The following ZSWIM6 variants were observed in gnomAD, a reference collection of about 807,000 sequenced individuals.
ZSWIM6 encodes the protein zinc finger SWIM domain-containing protein 6.
A neutral mutation model predicts 113.2 loss-of-function variants in ZSWIM6; 9 were observed. The ratio of observed to expected loss-of-function variants is 0.08; its 90% CI spans 0.05 to 0.14. The LOEUF (loss-of-function observed/expected upper bound fraction) is 0.14. Ranked by LOEUF, ZSWIM6 falls within the 10% of genes least tolerant of loss-of-function variation. The probability of loss-of-function intolerance (pLI) is 1.00; values close to 1 mark genes in which losing one functional copy is unlikely to be tolerated. For missense variants in ZSWIM6, 1,162 were observed against 1,552.2 expected (o/e 0.75, Z 4.22); for synonymous variants, 611 against 606.5 (o/e 1.01, Z -0.11).
At chr5:61,412,742 A>G (rs1746171458) in intron 1 of ZSWIM6, among the ~76,000 whole-genome samples, 1 of 152,210 alleles carries the variant, frequency 6.6e-6, no homozygotes, top group African/African-American at 2.4e-5. Context: ...CATCTTGAAT[A>G]TTAATTTAAA....
At chr5:61,432,415 A>G (rs1256855668) in intron 1 of ZSWIM6, among the ~76,000 whole-genome samples, 1 of 152,246 alleles carries the variant, frequency 6.6e-6, no homozygotes, top group Non-Finnish European at 1.5e-5. Context: ...ACATAGCTTC[A>G]TCTTGTTATC....
At chr5:61,463,276 G>C (rs1747355054) in intron 1 of ZSWIM6, among the ~76,000 whole-genome samples, 1 of 152,112 alleles carries the variant, frequency 6.6e-6, no homozygotes, top group Non-Finnish European at 1.5e-5. Flanking sequence ...TTCTGACTTA[G>C]AATGGGAACA....
chr5:61,511,906 C>T lies in ZSWIM6; in HGVS notation c.1334-9357C>T, dbSNP rs139414481. On this transcript the variant is annotated intron_variant, in intron 4 of 13. Coordinates refer to ENST00000252744, the MANE Select transcript of ZSWIM6 (RefSeq NM_020928.2). ...TGATGCCTCTAGCCTATAGTGGGCA[C>T]GCAATAAATGGTGACTATTAATGGG... Among the ~76,000 whole-genome samples, 26 of 152,090 alleles carry T rather than the reference C, an allele frequency of 1.7e-4. No homozygotes were observed. In the East Asian group the frequency reaches 4.8e-3, roughly 28 times the overall value.
intron 1 of ZSWIM6, among the ~76,000 whole-genome samples, chr5:61,405,058 G>A (rs1377370848): frequency 2.6e-5 from 4 of 152,166 alleles, no homozygotes; most frequent in Non-Finnish European, 4.4e-5. Flanking sequence ...AAGGGTTTCC[G>A]AACCAACAGC....
intron 9 of ZSWIM6, among the ~76,000 whole-genome samples, chr5:61,535,216 T>C (rs922854456): frequency 1.3e-5 from 2 of 152,186 alleles, no homozygotes; most frequent in Admixed American, 6.5e-5. Context: ...CTGAGGCACT[T>C]GTATTGTGAA....
Position 61,530,191 on chromosome 5 carries a change from T to C in ZSWIM6, c.1977T>C (p.Asp659=). Residue 659 remains aspartate, a synonymous_variant, in exon 8 of 14, where the codon GAT becomes GAC. Transcript: ENST00000252744. The stretch of plus-strand genomic sequence containing the variant: ...ATGAGAACCTCTCTGGGTTCTCAGA[T>C]TTTACAGGTAAAACCATTGACATTT... ...IDDENLSGFS[D]FTENMGQCKS... 6.4e-7 allele frequency: 1 copy of C among 1,550,746 alleles called. No homozygotes were observed. The highest frequency in any genetic ancestry group is 8.7e-7 in the Non-Finnish European group (1 of 1,146,368).
chr5:61,510,088 A>G (rs1748737832), intron 4 of ZSWIM6, among the ~76,000 whole-genome samples: 1 of 151,994 alleles, frequency 6.6e-6, no homozygotes, highest in Non-Finnish European at 1.5e-5. Context: ...AACTGCCACC[A>G]CCGAGAGCCT....
chr5:61,521,178 T>G (rs1001853015), intron 4 of ZSWIM6, 85 bp from the exon 5 acceptor site: 5 of 815,888 alleles, frequency 6.1e-6, no homozygotes, highest in Non-Finnish European at 8.2e-6. Context: ...TTTTAAATTT[T>G]AATAAATTTA....
chr5:61,382,340 T>C (rs1745503231), intron 1 of ZSWIM6, among the ~76,000 whole-genome samples: 1 of 152,242 alleles, frequency 6.6e-6, no homozygotes, highest in Non-Finnish European at 1.5e-5. Flanking sequence ...CTGATCAACA[T>C]TTATAATCTT....
chr5:61,385,953 C>T (rs1446514890), intron 1 of ZSWIM6, among the ~76,000 whole-genome samples: 1 of 152,138 alleles, frequency 6.6e-6, no homozygotes, highest in Non-Finnish European at 1.5e-5. Flanking sequence ...CCAATAGCCA[C>T]ACTTCTTGAG....
intron 2 of ZSWIM6, among the ~76,000 whole-genome samples, chr5:61,475,628 G>C (rs933164933): frequency 6.6e-6 from 1 of 152,124 alleles, no homozygotes; most frequent in Non-Finnish European, 1.5e-5. Context: ...TCCCAGCCTG[G>C]AAATGGACCA....
At chr5:61,423,052 T>A (rs571618308) in intron 1 of ZSWIM6, among the ~76,000 whole-genome samples, 4 of 152,308 alleles carry the variant, frequency 2.6e-5, no homozygotes, top group Admixed American at 6.5e-5. Flanking sequence ...TCTTTTCTTT[T>A]CTTTCTTTTT....
chr5:61,445,690 GAA>G (rs1746935845), intron 1 of ZSWIM6, among the ~76,000 whole-genome samples: 1 of 152,158 alleles, frequency 6.6e-6, no homozygotes. Context: ...ATTAGAAATT[GAA>G]AAACATCATT....
chr5:61,538,478 C>T (rs940706401), intron 10 of ZSWIM6, among the ~76,000 whole-genome samples: 1 of 151,966 alleles, frequency 6.6e-6, no homozygotes, highest in Non-Finnish European at 1.5e-5. Context: ...ACATCAAGAC[C>T]TGTGTTTAAA....
At chr5:61,406,531 G>T (rs959567031) in intron 1 of ZSWIM6, among the ~76,000 whole-genome samples, 1 of 151,942 alleles carries the variant, frequency 6.6e-6, no homozygotes. Context: ...TTTTAACAAT[G>T]TTTTCAACAT....
intron 6 of ZSWIM6, 110 bp downstream of exon 6, chr5:61,526,086 G>A (rs1580062959): frequency 2.8e-6 from 4 of 1,433,972 alleles, no homozygotes; most frequent in South Asian, 2.8e-5. Flanking sequence ...GGAGATGGAT[G>A]AATGCTTGGC....
At chr5:61,391,289 C>G (rs992836201) in intron 1 of ZSWIM6, 2 of 863,536 alleles carry the variant, frequency 2.3e-6, no homozygotes, top group African/African-American at 1.7e-5. Context: ...TGGGCCCAGT[C>G]CAGCTTCTTG....
intron 1 of ZSWIM6, among the ~76,000 whole-genome samples, chr5:61,433,268 T>A (rs1030942096): frequency 2.6e-5 from 4 of 152,122 alleles, no homozygotes; most frequent in Non-Finnish European, 4.4e-5. Context: ...GTTTGTTTCT[T>A]AGGAGAAAAG....
Position 61,332,279 on chromosome 5 carries a change from G to C in ZSWIM6, c.7G>C (p.Glu3Gln). ...GGTTAGAAGCGGCGCGGTCATGGCGGAGCGCGGACAGCAGCCTCCTCCCGC... is the reference window on the plus strand; with the variant it reads ...GGTTAGAAGCGGCGCGGTCATGGCGCAGCGCGGACAGCAGCCTCCTCCCGC... MA[E>Q]RGQQPPPAKR... Residue 3 changes from glutamate (E) to glutamine (Q), a missense_variant, in exon 1 of 14, where the codon GAG becomes CAG. Glu to Gln is a conservative substitution (Grantham distance 29). Transcript: ENST00000252744. 4 of 1,166,386 alleles carry C rather than the reference G, an allele frequency of 3.4e-6. No individual in the cohort carries two copies. Among genetic ancestry groups the C allele is most frequent in the Non-Finnish European group, 4.2e-6 (4 of 944,218 alleles). The allele number at this position is 1,166,386 out of a possible 1,614,324, so 72.3% of individuals were successfully genotyped here.
Sources: gnomAD v4.1 joint callset for allele counts (sites outside exome capture counted in the v4.1 genomes callset) on GRCh38, gnomAD v4.1.1 for gene constraint, MANE v1.5 for transcripts, NCBI Gene and HGNC (gene_info 2026-07-23, HGNC 2026-07-21) for gene names.